Variants in PDE4D observed in about 807,000 individuals in gnomAD.
PDE4D encodes 3',5'-cyclic-AMP phosphodiesterase 4D.
In PDE4D, 24 loss-of-function variants were observed where a neutral mutation model predicts 87.4. That is an observed-to-expected ratio of 0.27 (90% CI 0.20 to 0.39). The LOEUF (loss-of-function observed/expected upper bound fraction) is 0.39. PDE4D is among the 10% of genes least tolerant of loss of function. The pLI, the probability that PDE4D is intolerant of heterozygous loss-of-function variation, is 1.00. For synonymous variants in PDE4D, 384 were observed against 383.2 expected (o/e 1.00, Z -0.02); for missense variants, 714 against 1,041.0 (o/e 0.69, Z 4.32).
At chr5:59,505,094 T>A (rs1232638614) in intron 1 of PDE4D, among the ~76,000 whole-genome samples, 2 of 152,144 alleles carry the variant, frequency 1.3e-5, no homozygotes, top group African/African-American at 2.4e-5. Context: ...AGATCTTGGC[T>A]ATTTGGTTCT....
At chr5:59,912,519 T>G (rs140561461) in intron 3 of PDE4D, among the ~76,000 whole-genome samples, 5 of 152,314 alleles carry the variant, frequency 3.3e-5, no homozygotes, top group Admixed American at 3.3e-4. Flanking sequence ...CAAAAACAAC[T>G]GGGCATATAA....
chr5:59,418,370 T>C (rs1300869113), intron 1 of PDE4D, among the ~76,000 whole-genome samples: 1 of 152,208 alleles, frequency 6.6e-6, no homozygotes, highest in Non-Finnish European at 1.5e-5. Context: ...TAAACGTTCA[T>C]GTATTTTCCT....
chr5:60,515,498 G>A (rs775748963), intron 1 of PDE4D, among the ~76,000 whole-genome samples: 3 of 151,724 alleles, frequency 2.0e-5, no homozygotes, highest in Admixed American at 6.6e-5. Context: ...TTGGACAATC[G>A]AAAAAGAATA....
chr5:60,430,881 T>G (rs1032827787), intron 1 of PDE4D: 1 of 246,892 alleles, frequency 4.1e-6, no homozygotes, highest in Non-Finnish European at 8.1e-6. Context: ...ATCAACAGGA[T>G]CCCAAGGCAG....
At chr5:60,274,889 G>T (rs1219790458) in intron 1 of PDE4D, among the ~76,000 whole-genome samples, 2 of 152,096 alleles carry the variant, frequency 1.3e-5, no homozygotes, top group African/African-American at 2.4e-5. Flanking sequence ...TTATATTTTT[G>T]CTACCAGCAG....
chr5:60,065,825 A>G (rs1772003203), intron 2 of PDE4D, among the ~76,000 whole-genome samples: 1 of 152,122 alleles, frequency 6.6e-6, no homozygotes, highest in Non-Finnish European at 1.5e-5. Flanking sequence ...TTCTTAATCC[A>G]GTCTATCGTT....
At chr5:60,061,248 T>C (rs1249482569) in intron 2 of PDE4D, among the ~76,000 whole-genome samples, 3 of 152,118 alleles carry the variant, frequency 2.0e-5, no homozygotes, top group African/African-American at 7.2e-5. Flanking sequence ...GGATACAAAA[T>C]CAGTGTGTGA....
chr5:60,042,690 C>T (rs1170450414), intron 2 of PDE4D, among the ~76,000 whole-genome samples: 1 of 152,154 alleles, frequency 6.6e-6, no homozygotes, highest in East Asian at 1.9e-4. Context: ...CTCCAGCAGA[C>T]CTGCAGCAGA....
intron 1 of PDE4D, among the ~76,000 whole-genome samples, chr5:59,528,235 T>C (rs940180192): frequency 1.3e-5 from 2 of 152,166 alleles, no homozygotes; most frequent in Admixed American, 6.5e-5. Context: ...TAAAGCTTGC[T>C]TAAGGAAGCT....
In PDE4D at chr5:60,111,216, C is replaced by T. The variant is rs116612895; in HGVS notation, c.42+74341G>A. On this transcript the variant is annotated intron_variant, in intron 2 of 16. Coordinates refer to the PDE4D transcript ENST00000502484. The stretch of plus-strand genomic sequence containing the variant: ...TTTGAGGTGATGTATACGCTAATTA[C>T]CCTGATTTGATCATTACACATTGTA... Among the ~76,000 whole-genome samples the T allele has an allele frequency of 3.8e-3, 577 of 152,026 alleles. 5 individuals are homozygous for T. Among genetic ancestry groups the T allele is most frequent in the African/African-American group, 0.013 (545 of 41,514 alleles).
chr5:60,032,455 C>T (rs1767342972), intron 2 of PDE4D, among the ~76,000 whole-genome samples: 2 of 152,240 alleles, frequency 1.3e-5, no homozygotes, highest in African/African-American at 4.8e-5. Context: ...CTGAGCCATT[C>T]CATAACTAAA....
chr5:59,763,041 C>T (rs1762362961), intron 1 of PDE4D, among the ~76,000 whole-genome samples: 1 of 151,152 alleles, frequency 6.6e-6, no homozygotes, highest in Admixed American at 6.6e-5. Context: ...ACACTGATTT[C>T]AGGATCCTCT....
chr5:58,975,954 G>GTATTTT lies in PDE4D; in HGVS notation c.1831-116_1831-115insAAAATA, dbSNP rs1580023028. 3.4e-5 allele frequency: 26 copies of GTATTTT among 768,742 alleles called. No individual in the cohort carries two copies. The East Asian group carries it at 5.9e-4, about 17-fold the overall frequency. The allele number at this position is 768,742 out of a possible 1,614,324, so 47.6% of individuals were successfully genotyped here. ...TGCAACACTTAAAAATACACGTAGT[G>GTATTTT]TAAGATTTATTCCAAACAGCTCAAC... On this transcript the variant is annotated intron_variant, in intron 13 of 14. Transcript: ENST00000340635. This position sits in a 1 kb window ranked among gnomAD's most constrained non-coding sequence, Gnocchi z 4.2.
intron 1 of PDE4D, among the ~76,000 whole-genome samples, chr5:59,483,496 T>C (rs141463282): frequency 6.6e-6 from 1 of 152,286 alleles, no homozygotes; most frequent in African/African-American, 2.4e-5. Context: ...ACTGAAACTT[T>C]TTATTTTTAA....
intron 1 of PDE4D, among the ~76,000 whole-genome samples, chr5:59,688,223 T>C (rs1229374669): frequency 6.6e-6 from 1 of 152,220 alleles, no homozygotes; most frequent in Non-Finnish European, 1.5e-5. Context: ...GTGGACCTAA[T>C]AGACATCTAC....
chr5:60,440,040 C>T (rs1745078304), intron 1 of PDE4D, among the ~76,000 whole-genome samples: 1 of 152,068 alleles, frequency 6.6e-6, no homozygotes, highest in Non-Finnish European at 1.5e-5. Flanking sequence ...TCCTTCACTT[C>T]ACTACAGCAT....
intron 6 of PDE4D, among the ~76,000 whole-genome samples, chr5:59,014,901 C>G (rs12374472): frequency 1.3e-5 from 2 of 152,142 alleles, no homozygotes; most frequent in Admixed American, 1.3e-4. Context: ...ACCAAAATAG[C>G]ATGGTACTGG....
intron 1 of PDE4D, among the ~76,000 whole-genome samples, chr5:59,767,794 A>G (rs1193890222): frequency 2.6e-5 from 4 of 152,166 alleles, no homozygotes; most frequent in African/African-American, 7.2e-5. Context: ...CATTACACAC[A>G]CACTGTATGT....
intron 1 of PDE4D, among the ~76,000 whole-genome samples, chr5:60,348,218 T>C (rs1018235229): frequency 6.6e-6 from 1 of 152,064 alleles, no homozygotes; most frequent in Non-Finnish European, 1.5e-5. Flanking sequence ...GCAAATTCCT[T>C]TCAGTTAGCA....
Sources: allele counts gnomAD v4.1 joint callset (sites outside exome capture counted in the v4.1 genomes callset), GRCh38; gene constraint gnomAD v4.1.1; non-coding constraint Gnocchi (gnomAD v3.1); transcripts MANE v1.5; gene names NCBI Gene and HGNC (gene_info 2026-07-23, HGNC 2026-07-21).